Variants in ADGRL3 observed in about 807,000 individuals in gnomAD.
ADGRL3 encodes the protein adhesion G protein-coupled receptor L3.
ADGRL3 carries 62 observed loss-of-function variants against 153.5 expected under a neutral mutation model. That is an observed-to-expected ratio of 0.40 (90% confidence interval 0.33 to 0.50). The LOEUF (loss-of-function observed/expected upper bound fraction) is 0.50, where lower values mean the gene tolerates loss of function less well. Among genes scored for constraint, ADGRL3 ranks in the 20% least tolerant of loss-of-function variants. The pLI is 0.47. For synonymous variants in ADGRL3, 710 were observed against 672.5 expected (o/e 1.06, Z -0.86); for missense variants, 1,641 against 1,859.4 (o/e 0.88, Z 2.16).
chr4:61,867,515 CATAT>C lies in ADGRL3; in HGVS notation c.1481-25119_1481-25116del, dbSNP rs3065826. Among the ~76,000 whole-genome samples the C allele has an allele frequency of 9.6e-4, 78 of 81,160 alleles. 5 individuals are homozygous for C. The East Asian group carries it at 0.011, about 11-fold the overall frequency. The allele number at this position is 81,160 out of a possible 152,430, so 53.2% of individuals were successfully genotyped here. A position where few individuals can be genotyped will look rare whatever the true frequency, so the allele number is the denominator to read the frequency against. ...ACCCTGTCTCAAAAAAATATATATGCATATATATATATATATATATATATAATTG... is the reference window on the plus strand; with the variant it reads ...ACCCTGTCTCAAAAAAATATATATGCATATATATATATATATATATAATTG... On this transcript the variant is annotated intron_variant, in intron 9 of 26. Coordinates refer to ENST00000683033, the MANE Select transcript of ADGRL3 (RefSeq NM_001387552.1).
At chr4:61,297,241 A>G (rs1015207323) in intron 1 of ADGRL3, among the ~76,000 whole-genome samples, 8 of 152,194 alleles carry the variant, frequency 5.3e-5, no homozygotes, top group Admixed American at 1.3e-4. Flanking sequence ...ATTTAAAAAC[A>G]TTACTAAATA....
rs1170649229 is a variant in ADGRL3 at position 61,200,908 on chromosome 4, G to A, written c.-1097G>A. ...CGGGCTCGGGGTTCGCCGGCCCCCG[G>A]GACGCAGCCCTCGGCGGCCGGGCGC... On this transcript the variant is annotated 5_prime_UTR_variant, in exon 1 of 27. Transcript: ENST00000683033. Among the ~76,000 whole-genome samples the A allele has an allele frequency of 6.6e-6, 1 of 151,884 alleles. No homozygotes were observed. Among genetic ancestry groups the A allele is most frequent in the Non-Finnish European group, 1.5e-5 (1 of 67,950 alleles).
chr4:61,925,156 G>A (rs2098789061), intron 13 of ADGRL3, among the ~76,000 whole-genome samples: 1 of 152,058 alleles, frequency 6.6e-6, no homozygotes, highest in Admixed American at 6.6e-5. Context: ...AACAAAAATA[G>A]AGTTATTATT....
At chr4:61,586,767 G>A (rs1579692831) in intron 4 of ADGRL3, among the ~76,000 whole-genome samples, 2 of 152,044 alleles carry the variant, frequency 1.3e-5, no homozygotes, top group South Asian at 2.1e-4. Flanking sequence ...AACAATGGAC[G>A]TATGTTGTAA....
chr4:61,825,591 T>C (rs1433020604), intron 9 of ADGRL3, among the ~76,000 whole-genome samples: 1 of 152,218 alleles, frequency 6.6e-6, no homozygotes, highest in African/African-American at 2.4e-5. Context: ...CTCAAATATA[T>C]GTAAAATAAT....
At chr4:62,010,614 A>G (rs1296384639) in intron 21 of ADGRL3, among the ~76,000 whole-genome samples, 1 of 152,150 alleles carries the variant, frequency 6.6e-6, no homozygotes, top group African/African-American at 2.4e-5. Context: ...GCTGTGAAAC[A>G]GTTTTTAAAA....
intron 2 of ADGRL3, among the ~76,000 whole-genome samples, chr4:61,486,886 CAATACATGCATGAGTA>C (rs1191710670): frequency 6.6e-6 from 1 of 152,118 alleles, no homozygotes; most frequent in Non-Finnish European, 1.5e-5. Flanking sequence ...TTCATTTACC[CAATACATGCATGAGTA>C]AAATGGGTTA....
At chr4:61,851,863 A>G (rs1252221427) in intron 9 of ADGRL3, among the ~76,000 whole-genome samples, 2 of 152,238 alleles carry the variant, frequency 1.3e-5, no homozygotes, top group Admixed American at 1.3e-4. Flanking sequence ...AATCTTGAAT[A>G]GCACTGTCAA....
At chr4:61,349,205 A>C (rs1229208054) in intron 1 of ADGRL3, among the ~76,000 whole-genome samples, 2 of 152,070 alleles carry the variant, frequency 1.3e-5, no homozygotes, top group African/African-American at 4.8e-5. Context: ...GAATCTTGTG[A>C]AGTAGCAAAA....
chr4:61,677,378 T>C (rs753626140), intron 6 of ADGRL3: 69 of 418,504 alleles, frequency 1.6e-4, no homozygotes, highest in Non-Finnish European at 2.9e-4. Flanking sequence ...AGAAATATAT[T>C]CATCCAGAAG....
intron 2 of ADGRL3, among the ~76,000 whole-genome samples, chr4:61,404,224 A>G (rs1055475355): frequency 1.3e-5 from 2 of 152,128 alleles, no homozygotes; most frequent in African/African-American, 4.8e-5. Context: ...GTCTGAATGA[A>G]TGGAACAATA....
intron 2 of ADGRL3, among the ~76,000 whole-genome samples, chr4:61,400,953 T>C (rs1037166532): frequency 3.8e-4 from 57 of 151,976 alleles, no homozygotes; most frequent in African/African-American, 1.3e-3. Flanking sequence ...AGATTTTAAA[T>C]GATTATTTTT....
At chr4:61,654,739 A>G (rs1388844593) in intron 5 of ADGRL3, among the ~76,000 whole-genome samples, 1 of 151,892 alleles carries the variant, frequency 6.6e-6, no homozygotes. Flanking sequence ...TCTACTAAAA[A>G]TACAAAAATT....
chr4:62,059,360 T>C (rs1030288258), intron 25 of ADGRL3, among the ~76,000 whole-genome samples: 1 of 152,252 alleles, frequency 6.6e-6, no homozygotes, highest in East Asian at 1.9e-4. Flanking sequence ...CTTTTTTGTT[T>C]CTGTTGCTGA....
chr4:61,204,722 T>A (rs1354645), intron 1 of ADGRL3, among the ~76,000 whole-genome samples: 151,301 of 152,344 alleles, frequency 0.99, 75,139 homozygotes, highest in Middle Eastern at 1. Context: ...AATGATTAAC[T>A]CAAAGTTTTA....
At chr4:61,467,240 G>A (rs1387163846) in intron 2 of ADGRL3, among the ~76,000 whole-genome samples, 1 of 152,030 alleles carries the variant, frequency 6.6e-6, no homozygotes, top group Non-Finnish European at 1.5e-5. Flanking sequence ...GATATGTTTT[G>A]TTTCAATCTC....
intron 20 of ADGRL3, among the ~76,000 whole-genome samples, chr4:61,996,623 C>T (rs911044035): frequency 2.6e-5 from 4 of 152,076 alleles, no homozygotes; most frequent in African/African-American, 7.2e-5. Flanking sequence ...CAACATAATA[C>T]ATTTGGTTTT....
chr4:61,792,139 C>T (rs1219887200), intron 8 of ADGRL3, among the ~76,000 whole-genome samples: 1 of 152,164 alleles, frequency 6.6e-6, no homozygotes, highest in Non-Finnish European at 1.5e-5. Flanking sequence ...AGGCTGCAAA[C>T]AAACTTTTAT....
intron 1 of ADGRL3, among the ~76,000 whole-genome samples, chr4:61,362,231 G>C (rs976036458): frequency 4.0e-5 from 6 of 151,156 alleles, no homozygotes; most frequent in Non-Finnish European, 7.4e-5. Flanking sequence ...TCAAGCTCCT[G>C]ACCTCAAGTG....
Sources: allele counts gnomAD v4.1 joint callset (sites outside exome capture counted in the v4.1 genomes callset), GRCh38; gene constraint gnomAD v4.1.1; transcripts MANE v1.5; gene names NCBI Gene and HGNC (gene_info 2026-07-23, HGNC 2026-07-21).